ANGPT2: variants seen among roughly 807,000 people sequenced by gnomAD.
ANGPT2 encodes angiopoietin-2.
In ANGPT2, 28 loss-of-function variants were observed where a neutral mutation model predicts 62.9. That is an observed-to-expected ratio of 0.44 (90% CI 0.33 to 0.61). ANGPT2 has a LOEUF of 0.61. Ranked by LOEUF, ANGPT2 falls within the 20% of genes least tolerant of loss-of-function variation. The pLI is 0.03. For missense variants in ANGPT2, 727 were observed against 594.9 expected, an observed-to-expected ratio of 1.22 and a Z score of -2.31; for synonymous variants, 284 against 207.8, an observed-to-expected ratio of 1.37 and a Z score of -3.15.
At chr8:6,558,707 G>A (rs1825039859) in intron 1 of ANGPT2, among the ~76,000 whole-genome samples, 2 of 152,104 alleles carry the variant, frequency 1.3e-5, no homozygotes, top group African/African-American at 4.8e-5. Context: ...TCTAAACTCT[G>A]CAAGCAAACA....
intron 1 of ANGPT2, among the ~76,000 whole-genome samples, chr8:6,556,796 C>G (rs1296132815): frequency 6.6e-6 from 1 of 151,988 alleles, no homozygotes; most frequent in African/African-American, 2.4e-5. Context: ...ACTCTGTTGA[C>G]CAGGCTGGTC....
At chr8:6,536,096 A>G (rs1820439751) in intron 1 of ANGPT2, among the ~76,000 whole-genome samples, 1 of 152,122 alleles carries the variant, frequency 6.6e-6, no homozygotes, top group South Asian at 2.1e-4. Flanking sequence ...AAAAATACTT[A>G]TGTTCTTACT....
intron 1 of ANGPT2, among the ~76,000 whole-genome samples, chr8:6,537,178 T>G (rs1284370829): frequency 6.6e-6 from 1 of 152,054 alleles, no homozygotes; most frequent in Non-Finnish European, 1.5e-5. Context: ...AACATATTCA[T>G]GTTTCGCAGG....
chr8:6,510,701 G>A (rs2515418), intron 7 of ANGPT2, among the ~76,000 whole-genome samples: 58,668 of 152,008 alleles, frequency 0.39, 11,790 homozygotes, highest in Middle Eastern at 0.5. Flanking sequence ...TGCCTCTGCC[G>A]TGTTTCAACA....
intron 5 of ANGPT2, among the ~76,000 whole-genome samples, chr8:6,519,488 A>G (rs1378339687): frequency 6.6e-6 from 1 of 152,222 alleles, no homozygotes; most frequent in African/African-American, 2.4e-5. Context: ...TGACACCTCT[A>G]TGGCTGATGC....
chr8:6,548,706 C>T (rs1422920089), intron 1 of ANGPT2, among the ~76,000 whole-genome samples: 1 of 152,278 alleles, frequency 6.6e-6, no homozygotes, highest in African/African-American at 2.4e-5. Flanking sequence ...CTCACAGAAG[C>T]AAGCTCCCAT....
chr8:6,538,702 C>G (rs1820953472), intron 1 of ANGPT2, among the ~76,000 whole-genome samples: 1 of 152,198 alleles, frequency 6.6e-6, no homozygotes, highest in African/African-American at 2.4e-5. Context: ...GATATCAAAA[C>G]CATTTTGTAT....
chr8:6,547,580 C>G (rs1390689224), intron 1 of ANGPT2, among the ~76,000 whole-genome samples: 2 of 152,194 alleles, frequency 1.3e-5, no homozygotes, highest in South Asian at 2.1e-4. Context: ...GCACTTTGGA[C>G]CACCGTAGAA....
At chr8:6,521,519 A>T (rs556519372) in intron 3 of ANGPT2, 109 bp from the exon 4 acceptor site, 2 of 800,440 alleles carry the variant, frequency 2.5e-6, no homozygotes, top group Non-Finnish European at 3.8e-6. Flanking sequence ...TGTAGTGGTT[A>T]TAAAGTAATA....
intron 7 of ANGPT2, among the ~76,000 whole-genome samples, chr8:6,512,626 C>G (rs966330613): frequency 2.0e-5 from 3 of 152,176 alleles, no homozygotes; most frequent in Non-Finnish European, 4.4e-5. Context: ...TTCGGAGTGC[C>G]TCTATGTGCC....
At chr8:6,509,800 C>T (rs148540064) in intron 7 of ANGPT2, among the ~76,000 whole-genome samples, 220 of 152,208 alleles carry the variant, frequency 1.4e-3, no homozygotes, top group African/African-American at 5.1e-3. Flanking sequence ...TAAATGTGCT[C>T]GGAACACTCA....
At chr8:6,536,255 G>A (rs1223964380) in intron 1 of ANGPT2, among the ~76,000 whole-genome samples, 1 of 152,072 alleles carries the variant, frequency 6.6e-6, no homozygotes, top group Non-Finnish European at 1.5e-5. Context: ...TTTCTTGGTT[G>A]CCGGCACTGC....
intron 1 of ANGPT2, among the ~76,000 whole-genome samples, chr8:6,554,051 T>C (rs1167667334): frequency 6.6e-6 from 1 of 151,154 alleles, no homozygotes; most frequent in Non-Finnish European, 1.5e-5. Flanking sequence ...GGAACAGTCA[T>C]AATGAAGGTG....
At chr8:6,506,929 C>T (rs1436540604) in intron 8 of ANGPT2, among the ~76,000 whole-genome samples, 1 of 151,868 alleles carries the variant, frequency 6.6e-6, no homozygotes, top group Non-Finnish European at 1.5e-5. Flanking sequence ...CGGAGTCTCA[C>T]TCTTGTCGTC....
chr8:6,505,063 T>C (rs1813013190), intron 8 of ANGPT2, among the ~76,000 whole-genome samples: 1 of 150,892 alleles, frequency 6.6e-6, no homozygotes, highest in East Asian at 1.9e-4. Context: ...GGAAAATTAA[T>C]AAATAAAGTG....
chr8:6,503,023 C>T lies in ANGPT2; in HGVS notation c.*78G>A, dbSNP rs1167512727. ...CTCTGTGGTGGAAGAGGACACAGTG[C>T]GCAGCCGTGACTTTCAGTGCACTGG... On this transcript the variant is annotated 3_prime_UTR_variant, in exon 9 of 9. Transcript: ENST00000629816. 7.5e-5 allele frequency: 116 copies of T among 1,545,188 alleles called. No homozygotes were observed. The highest frequency in any genetic ancestry group is 9.4e-5 in the Non-Finnish European group (106 of 1,130,102).
intron 1 of ANGPT2, among the ~76,000 whole-genome samples, chr8:6,546,594 T>G (rs1054159255): frequency 2.0e-5 from 3 of 152,196 alleles, no homozygotes; most frequent in Non-Finnish European, 4.4e-5. Flanking sequence ...GCTACTAAAT[T>G]GTCAGAACAT....
chr8:6,527,122 G>C (rs1818481629), intron 3 of ANGPT2, among the ~76,000 whole-genome samples: 1 of 152,150 alleles, frequency 6.6e-6, no homozygotes, highest in Non-Finnish European at 1.5e-5. Flanking sequence ...TAAAATGCCT[G>C]GGCCAGTGGT....
rs539528897 is a variant in ANGPT2 at position 6,502,194 on chromosome 8, T to A, written c.*907A>T. The A allele has an allele frequency of 6.6e-6, 1 of 152,266 alleles. No homozygotes were observed. Among genetic ancestry groups the A allele is most frequent in the South Asian group, 2.1e-4 (1 of 4,824 alleles). The allele number at this position is 152,266 out of a possible 1,614,324, so 9.4% of individuals were successfully genotyped here. On this transcript the variant is annotated 3_prime_UTR_variant, in exon 9 of 9. Coordinates refer to ENST00000629816, the MANE Select transcript of ANGPT2 (RefSeq NM_001118887.2). ...AGAATGAAATGTATAATTTTCCTCA[T>A]CATTAAAAGTAAGAAGTTTCCTTAT...
Sources: gnomAD v4.1 joint callset for allele counts (sites outside exome capture counted in the v4.1 genomes callset) on GRCh38, gnomAD v4.1.1 for gene constraint, MANE v1.5 for transcripts, NCBI Gene and HGNC (gene_info 2026-07-23, HGNC 2026-07-21) for gene names.